PHF21A: variants seen among roughly 807,000 people sequenced by gnomAD.
The protein encoded by PHF21A is BHC80a.
In PHF21A, 11 loss-of-function variants were observed where a neutral mutation model predicts 82.5. That is an observed-to-expected ratio of 0.13 (90% CI 0.08 to 0.22). PHF21A has a LOEUF of 0.22. Ranked by LOEUF, PHF21A falls within the 10% of genes least tolerant of loss-of-function variation. PHF21A has a pLI of 1.00. For missense variants in PHF21A, 579 were observed against 837.8 expected, an observed-to-expected ratio of 0.69 and a Z score of 3.81; for synonymous variants, 297 against 302.8, an observed-to-expected ratio of 0.98 and a Z score of 0.20.
chr11:46,023,892 G>A (rs1026883364), intron 6 of PHF21A, among the ~76,000 whole-genome samples: 1 of 152,174 alleles, frequency 6.6e-6, no homozygotes. Context: ...GGAGGCGGAG[G>A]TTGCAGTGAG....
chr11:46,048,782 A>AT (rs920096313), intron 6 of PHF21A, among the ~76,000 whole-genome samples: 19 of 150,336 alleles, frequency 1.3e-4, no homozygotes, highest in Non-Finnish European at 2.4e-4. Flanking sequence ...AAAAAAAATA[A>AT]TTTTTTTTTT....
intron 10 of PHF21A, among the ~76,000 whole-genome samples, chr11:45,963,077 A>C (rs527773782): frequency 5.3e-5 from 8 of 152,246 alleles, no homozygotes; most frequent in Admixed American, 2.6e-4. Flanking sequence ...TACAAAATAC[A>C]TAAGTTTGAT....
chr11:45,986,995 C>G (rs979436311), intron 6 of PHF21A, among the ~76,000 whole-genome samples: 2 of 151,898 alleles, frequency 1.3e-5, no homozygotes, highest in African/African-American at 4.8e-5. Context: ...GGATATATAT[C>G]CCTGTGGAAA....
At chr11:45,958,449 T>TATATACACACAC (rs780397923) in intron 10 of PHF21A, among the ~76,000 whole-genome samples, 274 of 15,012 alleles carry the variant, frequency 0.018, 11 homozygotes, top group Non-Finnish European at 0.025. Flanking sequence ...TATATATATA[T>TATATACACACAC]ACACACACAC....
chr11:45,933,599 C>T lies in PHF21A; in HGVS notation c.*369G>A, dbSNP rs987495317. 2.2e-5 allele frequency: 4 copies of T among 182,430 alleles called. No homozygotes were observed. Among genetic ancestry groups the T allele is most frequent in the Non-Finnish European group, 4.5e-5 (4 of 88,424 alleles). The allele number at this position is 182,430 out of a possible 1,614,324, so 11.3% of individuals were successfully genotyped here. On this transcript the variant is annotated 3_prime_UTR_variant, in exon 19 of 19. Coordinates refer to ENST00000676320, the MANE Select transcript of PHF21A (RefSeq NM_001352027.3). The stretch of plus-strand genomic sequence containing the variant: ...GATCTGAAACCTGCTCTCCTCCCTC[C>T]GCCCGTCCCTGCTCCCCACCCAAGA...
intron 15 of PHF21A, 76 bp downstream of exon 15, chr11:45,945,764 A>G: frequency 8.0e-7 from 1 of 1,257,088 alleles, no homozygotes; most frequent in Non-Finnish European, 1.1e-6. Context: ...GCAAGTCGAT[A>G]AGGAGACAAC....
chr11:46,040,931 A>ACACACACG (rs1555134081), intron 6 of PHF21A, among the ~76,000 whole-genome samples: 5 of 113,678 alleles, frequency 4.4e-5, no homozygotes, highest in Non-Finnish European at 9.1e-5. Context: ...ACACACACAC[A>ACACACACG]CACGCACGCA....
At chr11:45,934,396 A>T in intron 18 of PHF21A, 171 bp from the exon 19 acceptor site, 4 of 603,206 alleles carry the variant, frequency 6.6e-6, no homozygotes, top group Middle Eastern at 4.6e-4. Flanking sequence ...CTACCACCTA[A>T]GGAACAGGGC....
chr11:45,940,371 T>C (rs895881156), intron 15 of PHF21A, among the ~76,000 whole-genome samples: 3 of 151,996 alleles, frequency 2.0e-5, no homozygotes, highest in African/African-American at 7.3e-5. Context: ...AACTTTTATA[T>C]TTTTAGTAGA....
At chr11:46,010,917 C>T (rs1477535261) in intron 6 of PHF21A, among the ~76,000 whole-genome samples, 1 of 152,102 alleles carries the variant, frequency 6.6e-6, no homozygotes, top group Non-Finnish European at 1.5e-5. Flanking sequence ...TCCTTTCTCT[C>T]CTACTATAAT....
At chr11:45,953,979 G>GCCT (rs1257793996) in intron 10 of PHF21A, among the ~76,000 whole-genome samples, 1 of 152,154 alleles carries the variant, frequency 6.6e-6, no homozygotes, top group Non-Finnish European at 1.5e-5. Context: ...TTGCCCAGAA[G>GCCT]CAAGCCTGCT....
At chr11:45,949,261 CA>C (rs1304096603) in intron 13 of PHF21A, 140 bp downstream of exon 13, 58 of 730,314 alleles carry the variant, frequency 7.9e-5, no homozygotes, top group East Asian at 1.5e-4. Context: ...AATGATAAGT[CA>C]AAAAAAATCT....
chr11:45,975,317 G>C (rs1166139618), intron 7 of PHF21A, among the ~76,000 whole-genome samples: 3 of 100,810 alleles, frequency 3.0e-5, no homozygotes, highest in Non-Finnish European at 6.3e-5. Context: ...CTGTCTCAAA[G>C]AAAACAAAAT....
At chr11:45,991,208 A>G (rs181419763) in intron 6 of PHF21A, among the ~76,000 whole-genome samples, 2 of 152,260 alleles carry the variant, frequency 1.3e-5, no homozygotes, top group East Asian at 3.9e-4. Flanking sequence ...TCATGGTTTG[A>G]TAGTTCATTT....
chr11:46,064,742 C>G (rs183485406), intron 6 of PHF21A, among the ~76,000 whole-genome samples: 1 of 151,848 alleles, frequency 6.6e-6, no homozygotes, highest in Admixed American at 6.6e-5. Flanking sequence ...ATATCAACAA[C>G]GATAATGATA....
chr11:46,039,756 C>A (rs1008662839), intron 6 of PHF21A, among the ~76,000 whole-genome samples: 10 of 152,192 alleles, frequency 6.6e-5, no homozygotes, highest in African/African-American at 1.9e-4. Context: ...AGATCACTAT[C>A]AGGATCTCAG....
Position 45,965,496 on chromosome 11 carries a change from G to C in PHF21A, c.815C>G (p.Pro272Arg). The change falls in exon 10 of 19, where the codon CCC (proline) becomes CGC (arginine). Residue 272 changes from proline (P) to arginine (R), a missense_variant. Physicochemically the swap from Pro to Arg is moderately radical, Grantham distance 103. This residue lies in a region of PHF21A where 410 missense variants were observed against 642.1 expected (regional missense o/e 0.64). Coordinates refer to ENST00000676320, the MANE Select transcript of PHF21A (RefSeq NM_001352027.3). Reference sequence around the variant, plus strand: ...ATTCTGGGATGTGGGAAGGGTTGTGGGGGTGAACTTGGTCAGCATGACGGG... The same window carrying C: ...ATTCTGGGATGTGGGAAGGGTTGTGCGGGTGAACTTGGTCAGCATGACGGG... ...QRPVMLTKFT[P>R]TTLPTSQNSI... The C allele has an allele frequency of 1.9e-6, 3 of 1,613,650 alleles. No individual in the cohort carries two copies. The highest frequency in any genetic ancestry group is 2.5e-6 in the Non-Finnish European group (3 of 1,179,750).
chr11:46,061,612 A>G (rs912246316), intron 6 of PHF21A, among the ~76,000 whole-genome samples: 3 of 152,220 alleles, frequency 2.0e-5, no homozygotes, highest in Non-Finnish European at 2.9e-5. Context: ...ATGTCTCTCA[A>G]TAATGGCTCA....
At chr11:46,071,049 C>T (rs927134601) in intron 6 of PHF21A, among the ~76,000 whole-genome samples, 9 of 152,052 alleles carry the variant, frequency 5.9e-5, no homozygotes, top group African/African-American at 1.9e-4. Context: ...AGACTAAGTG[C>T]GGTAGATGAA....
Sources: gnomAD v4.1 joint callset for allele counts (sites outside exome capture counted in the v4.1 genomes callset) on GRCh38, gnomAD v4.1.1 for gene constraint, gnomAD v4.1.1 regional missense constraint, MANE v1.5 for transcripts, NCBI Gene and HGNC (gene_info 2026-07-23, HGNC 2026-07-21) for gene names.